Variants in PLCG2 observed in about 807,000 individuals in gnomAD.
PLCG2 encodes the protein 1-phosphatidylinositol 4,5-bisphosphate phosphodiesterase gamma-2.
Under a neutral mutation model 175.6 loss-of-function variants are expected in PLCG2, and 69 were observed. The observed-to-expected ratio is 0.39, with a 90% confidence interval of 0.32 to 0.48. PLCG2 has a LOEUF of 0.48. PLCG2 is among the 20% of genes least tolerant of loss of function. PLCG2 has a pLI of 0.91. For missense variants in PLCG2, 1,798 were observed against 1,650.9 expected, an observed-to-expected ratio of 1.09 and a Z score of -1.54; for synonymous variants, 827 against 624.0, an observed-to-expected ratio of 1.33 and a Z score of -4.85.
chr16:81,775,625 C>T (rs1396349347), upstream of PLCG2, among the ~76,000 whole-genome samples: 1 of 152,116 alleles, frequency 6.6e-6, no homozygotes, highest in Non-Finnish European at 1.5e-5. Flanking sequence ...GTCCAATGCA[C>T]CATGGCTGCC....
chr16:81,829,083 A>G (rs577390534), intron 2 of PLCG2, among the ~76,000 whole-genome samples: 4 of 152,186 alleles, frequency 2.6e-5, no homozygotes, highest in African/African-American at 9.6e-5. Context: ...ATTTTCATTC[A>G]TTAATGGGGT....
At chr16:81,909,958 C>T (rs1008801720) in intron 17 of PLCG2, among the ~76,000 whole-genome samples, 2 of 147,612 alleles carry the variant, frequency 1.4e-5, no homozygotes, top group Non-Finnish European at 3.0e-5. Context: ...GGATTTGAAT[C>T]CAGGCATCCT....
chr16:81,856,446 C>A (rs1371015974), intron 3 of PLCG2, among the ~76,000 whole-genome samples: 1 of 152,126 alleles, frequency 6.6e-6, no homozygotes, highest in African/African-American at 2.4e-5. Flanking sequence ...CTCAATGCCG[C>A]TTATTAACAA....
At chr16:81,897,743 C>G in intron 13 of PLCG2, 1 of 417,822 alleles carries the variant, frequency 2.4e-6, no homozygotes, top group Non-Finnish European at 4.9e-6. Context: ...TAGGGTTTCA[C>G]TATGTTGGCC....
intron 26 of PLCG2, among the ~76,000 whole-genome samples, chr16:81,935,260 G>A (rs1035711020): frequency 1.3e-5 from 2 of 152,022 alleles, no homozygotes; most frequent in African/African-American, 4.8e-5. Flanking sequence ...CTCCTCTTCT[G>A]CTTCCCTATT....
intron 23 of PLCG2, among the ~76,000 whole-genome samples, chr16:81,927,388 C>A (rs1295239537): frequency 6.6e-6 from 1 of 152,198 alleles, no homozygotes; most frequent in South Asian, 2.1e-4. Flanking sequence ...GTGTTTTAAT[C>A]AGGTTGTGTT....
intron 5 of PLCG2, among the ~76,000 whole-genome samples, chr16:81,866,811 C>G (rs1364386806): frequency 6.6e-6 from 1 of 152,244 alleles, no homozygotes; most frequent in Non-Finnish European, 1.5e-5. Flanking sequence ...CACGACCCCT[C>G]TCGCTGCCGC....
intron 15 of PLCG2, 73 bp from the exon 16 acceptor site, chr16:81,907,612 T>A (rs1909431550): frequency 9.5e-7 from 1 of 1,055,960 alleles, no homozygotes; most frequent in Non-Finnish European, 1.5e-6. Flanking sequence ...GGTGACGCCC[T>A]GCAGGGCTCC....
chr16:81,864,140 G>A (rs762912894), intron 5 of PLCG2, among the ~76,000 whole-genome samples: 4 of 152,184 alleles, frequency 2.6e-5, no homozygotes, highest in Non-Finnish European at 4.4e-5. Flanking sequence ...TGGAGGATTT[G>A]TGAAAGTGGA....
intron 2 of PLCG2, among the ~76,000 whole-genome samples, chr16:81,851,080 C>G (rs941607005): frequency 1.3e-5 from 2 of 152,176 alleles, no homozygotes; most frequent in African/African-American, 4.8e-5. Context: ...TCTACTTTCT[C>G]TCACCTTCAT....
intron 12 of PLCG2, 69 bp downstream of exon 12, chr16:81,893,863 G>A: frequency 1.1e-6 from 1 of 946,704 alleles, no homozygotes; most frequent in Non-Finnish European, 1.7e-6. Flanking sequence ...GTTGCTCCAT[G>A]TTTTCTTTCG....
intron 2 of PLCG2, among the ~76,000 whole-genome samples, chr16:81,848,821 C>G (rs573440183): frequency 6.6e-6 from 1 of 152,240 alleles, no homozygotes; most frequent in East Asian, 1.9e-4. Flanking sequence ...GCTGTGGATC[C>G]ACAGATTCCA....
At chr16:81,950,536 A>T (rs1025663172) in intron 31 of PLCG2, among the ~76,000 whole-genome samples, 1 of 152,226 alleles carries the variant, frequency 6.6e-6, no homozygotes, top group African/African-American at 2.4e-5. Flanking sequence ...GCCTTAAGAA[A>T]TATACAACTT....
At chr16:81,752,072 G>C (rs931427356) in intron 1 of PLCG2, among the ~76,000 whole-genome samples, 1 of 151,740 alleles carries the variant, frequency 6.6e-6, no homozygotes, top group African/African-American at 2.4e-5. Context: ...ATATATAAAA[G>C]AGCTAGGATT....
intron 2 of PLCG2, among the ~76,000 whole-genome samples, chr16:81,838,437 G>T (rs549774307): frequency 3.3e-4 from 50 of 152,212 alleles, no homozygotes; most frequent in Admixed American, 2.4e-3. Flanking sequence ...ACATAAAAAA[G>T]AATGAGTTCA....
chr16:81,942,302 T>C (rs988273884), intron 30 of PLCG2, among the ~76,000 whole-genome samples: 1 of 152,202 alleles, frequency 6.6e-6, no homozygotes, highest in Non-Finnish European at 1.5e-5. Flanking sequence ...ATCTGCAGAA[T>C]GCAATGACTT....
intron 1 of PLCG2, among the ~76,000 whole-genome samples, chr16:81,753,018 C>A (rs966323633): frequency 2.6e-5 from 4 of 152,252 alleles, no homozygotes; most frequent in African/African-American, 9.6e-5. Flanking sequence ...ACAGCAAGTG[C>A]TTAATAATGG....
At chr16:81,942,872 C>T (rs1170035126) in intron 30 of PLCG2, among the ~76,000 whole-genome samples, 1 of 151,492 alleles carries the variant, frequency 6.6e-6, no homozygotes, top group African/African-American at 2.4e-5. Context: ...TCTGTATTTC[C>T]CTTTCCCCAG....
At chr16:81,899,949 C>T (rs531491515) in intron 13 of PLCG2, among the ~76,000 whole-genome samples, 1 of 152,198 alleles carries the variant, frequency 6.6e-6, no homozygotes, top group African/African-American at 2.4e-5. Context: ...GGAGCAATGG[C>T]TCAGGTATTT....
Sources: allele counts gnomAD v4.1 joint callset (sites outside exome capture counted in the v4.1 genomes callset), GRCh38; gene constraint gnomAD v4.1.1; transcripts MANE v1.5; gene names NCBI Gene and HGNC (gene_info 2026-07-23, HGNC 2026-07-21).